Variants in TMEM117 observed in about 807,000 individuals in gnomAD.
TMEM117 encodes transmembrane protein 117.
In TMEM117, 27 loss-of-function variants were observed where a neutral mutation model predicts 52.4. The ratio of observed to expected loss-of-function variants is 0.51; its 90% confidence interval spans 0.38 to 0.71. The LOEUF is 0.71. Ranked by LOEUF, TMEM117 falls within the 30% of genes least tolerant of loss-of-function variation. TMEM117 has a pLI of 0.00. For missense variants in TMEM117, 556 were observed against 630.5 expected (o/e 0.88, Z 1.26); for synonymous variants, 215 against 206.3 (o/e 1.04, Z -0.36).
At chr12:43,902,065 T>C (rs1409488403) in intron 2 of TMEM117, among the ~76,000 whole-genome samples, 1 of 152,248 alleles carries the variant, frequency 6.6e-6, no homozygotes, top group Non-Finnish European at 1.5e-5. Flanking sequence ...ATACGCTGTT[T>C]GATCAATTGT....
chr12:44,060,285 C>T (rs536336553), intron 3 of TMEM117, among the ~76,000 whole-genome samples: 343 of 152,258 alleles, frequency 2.3e-3, no homozygotes, highest in Non-Finnish European at 3.4e-3. Flanking sequence ...GTTATAGCAA[C>T]AATAATCATT....
chr12:43,820,939 C>CA, the TMEM117 span, among the ~76,000 whole-genome samples: 1 of 151,516 alleles, frequency 6.6e-6, no homozygotes, highest in Non-Finnish European at 1.5e-5. Context: ...ACTAAAAATA[C>CA]AAAAAATTAG....
At chr12:44,147,744 C>T (rs1200018278) in intron 4 of TMEM117, among the ~76,000 whole-genome samples, 1 of 151,876 alleles carries the variant, frequency 6.6e-6, no homozygotes, top group Non-Finnish European at 1.5e-5. Flanking sequence ...CCAGCCTGGC[C>T]AACATGGTGA....
At chr12:44,193,411 A>C (rs1949380323) in intron 4 of TMEM117, among the ~76,000 whole-genome samples, 1 of 152,204 alleles carries the variant, frequency 6.6e-6, no homozygotes, top group Admixed American at 6.5e-5. Context: ...ATAAAGTGTG[A>C]CTCAAACCCA....
intron 2 of TMEM117, among the ~76,000 whole-genome samples, chr12:43,887,903 T>C (rs1039332608): frequency 3.1e-4 from 47 of 152,282 alleles, no homozygotes; most frequent in African/African-American, 1.0e-3. Context: ...GTTTGTTTCA[T>C]AGTGAGGATC....
At chr12:43,801,172 T>A in the TMEM117 span, among the ~76,000 whole-genome samples, 2 of 152,248 alleles carry the variant, frequency 1.3e-5, no homozygotes, top group Non-Finnish European at 2.9e-5. Flanking sequence ...GATAGTGACA[T>A]TCTTCTCAAA....
chr12:44,393,932 G>T (rs1431058744), downstream of TMEM117, among the ~76,000 whole-genome samples: 1 of 152,138 alleles, frequency 6.6e-6, no homozygotes, highest in South Asian at 2.1e-4. Context: ...TGTTTCTTTT[G>T]TCATTTCACT....
At chr12:44,279,003 C>T (rs1010278476) in intron 5 of TMEM117, among the ~76,000 whole-genome samples, 1 of 152,176 alleles carries the variant, frequency 6.6e-6, no homozygotes, top group South Asian at 2.1e-4. Context: ...GTCTTCTCTA[C>T]CTAATTAAAT....
intron 3 of TMEM117, among the ~76,000 whole-genome samples, chr12:43,992,771 T>A: frequency 6.6e-6 from 1 of 152,174 alleles, no homozygotes; most frequent in East Asian, 1.9e-4. Context: ...TTGCTTCCTT[T>A]CCTCAGGCTA....
At chr12:44,338,319 G>A (rs894370004) in intron 6 of TMEM117, among the ~76,000 whole-genome samples, 3 of 152,022 alleles carry the variant, frequency 2.0e-5, no homozygotes, top group African/African-American at 7.2e-5. Flanking sequence ...GTTTGCAGGA[G>A]TTTTTATCTT....
chr12:44,080,733 T>C (rs1457360890), intron 3 of TMEM117, among the ~76,000 whole-genome samples: 1 of 152,176 alleles, frequency 6.6e-6, no homozygotes, highest in African/African-American at 2.4e-5. Flanking sequence ...CCAATGAAGA[T>C]GATATAAAAT....
At chr12:43,953,124 TGCATATTTAGTGCTTCCTTCAG>T (rs1024933884) in intron 3 of TMEM117, among the ~76,000 whole-genome samples, 1 of 152,000 alleles carries the variant, frequency 6.6e-6, no homozygotes. Flanking sequence ...AGGCCTGTCT[TGCATATTTAGTGCTTCCTTCAG>T]GAAGCACTAA....
chr12:44,288,994 A>G (rs1163598344), intron 5 of TMEM117, among the ~76,000 whole-genome samples: 1 of 152,172 alleles, frequency 6.6e-6, no homozygotes, highest in Non-Finnish European at 1.5e-5. Flanking sequence ...GAAAGTTTGT[A>G]CACTTCAAAC....
At chr12:44,239,425 A>G (rs536882760) in intron 5 of TMEM117, among the ~76,000 whole-genome samples, 26 of 152,300 alleles carry the variant, frequency 1.7e-4, no homozygotes, top group Non-Finnish European at 3.2e-4. Flanking sequence ...CACTGAAATT[A>G]AGATGTTCCT....
Position 43,899,357 on chromosome 12 carries a change from C to G in TMEM117, c.278-44853C>G, listed in dbSNP as rs140022016. Among the ~76,000 whole-genome samples the G allele has an allele frequency of 1.0e-3, 155 of 152,200 alleles. 1 individual carries two copies. The highest frequency in any genetic ancestry group is 3.5e-3 in the African/African-American group (146 of 41,536). On this transcript the variant is annotated intron_variant, in intron 2 of 7. Coordinates refer to ENST00000266534, the MANE Select transcript of TMEM117 (RefSeq NM_032256.3). Reference sequence around the variant, plus strand: ...TTATGTTGATAATTTGTAAAAGATTCTGAACTTTCTTCATCGTTAAAAATA... The same window carrying G: ...TTATGTTGATAATTTGTAAAAGATTGTGAACTTTCTTCATCGTTAAAAATA...
intron 2 of TMEM117, among the ~76,000 whole-genome samples, chr12:43,890,357 A>C (rs1944079824): frequency 1.3e-5 from 2 of 152,078 alleles, no homozygotes; most frequent in Non-Finnish European, 2.9e-5. Flanking sequence ...CTGTCAATAA[A>C]TCTCACCCCA....
At chr12:43,915,530 C>T (rs760292802) in intron 2 of TMEM117, among the ~76,000 whole-genome samples, 1 of 152,176 alleles carries the variant, frequency 6.6e-6, no homozygotes, top group Non-Finnish European at 1.5e-5. Flanking sequence ...TCATCCCCTT[C>T]AGTGACCAAC....
intron 3 of TMEM117, among the ~76,000 whole-genome samples, chr12:43,976,103 G>A (rs1313832156): frequency 1.3e-5 from 2 of 152,192 alleles, no homozygotes; most frequent in African/African-American, 4.8e-5. Context: ...CTTGTATTAA[G>A]TATCTCCCCG....
At chr12:44,353,612 T>C (rs1024854075) in intron 6 of TMEM117, among the ~76,000 whole-genome samples, 3 of 152,180 alleles carry the variant, frequency 2.0e-5, no homozygotes, top group Admixed American at 6.6e-5. Context: ...GTTGTAGATA[T>C]GTGGCATTAT....
Sources: allele counts gnomAD v4.1 joint callset (sites outside exome capture counted in the v4.1 genomes callset), GRCh38; gene constraint gnomAD v4.1.1; transcripts MANE v1.5; gene names NCBI Gene and HGNC (gene_info 2026-07-23, HGNC 2026-07-21).